The following LINGO2 variants were observed in gnomAD, a reference collection of about 807,000 sequenced individuals.
LINGO2 encodes the protein leucine-rich repeat and immunoglobulin-like domain-containing nogo receptor-interacting protein 2.
A neutral mutation model predicts 30.6 loss-of-function variants in LINGO2; 14 were observed. The ratio of observed to expected loss-of-function variants is 0.46; its 90% CI spans 0.30 to 0.72. The LOEUF is 0.72. Among genes scored for constraint, LINGO2 ranks in the 30% least tolerant of loss-of-function variants. The pLI is 0.07. For synonymous variants in LINGO2, 317 were observed against 288.5 expected, an observed-to-expected ratio of 1.10 and a Z score of -1.00; for missense variants, 729 against 751.7, an observed-to-expected ratio of 0.97 and a Z score of 0.35.
At chr9:28,990,988 A>G in the LINGO2 span, among the ~76,000 whole-genome samples, 1 of 152,358 alleles carries the variant, frequency 6.6e-6, no homozygotes, top group African/African-American at 2.4e-5. Context: ...GCAGTTCCTC[A>G]CTAGCAATGG....
chr9:28,457,134 T>G (rs1410955848), intron 2 of LINGO2, among the ~76,000 whole-genome samples: 1 of 152,130 alleles, frequency 6.6e-6, no homozygotes, highest in African/African-American at 2.4e-5. Context: ...CATGGAAATA[T>G]GCAAAGCTAG....
the LINGO2 span, among the ~76,000 whole-genome samples, chr9:28,882,985 C>G: frequency 6.6e-6 from 1 of 152,176 alleles, no homozygotes; most frequent in Non-Finnish European, 1.5e-5. Context: ...TTAAAATAAA[C>G]ACACATACAC....
At chr9:29,061,857 T>C in the LINGO2 span, among the ~76,000 whole-genome samples, 1 of 151,962 alleles carries the variant, frequency 6.6e-6, no homozygotes, top group Admixed American at 6.6e-5. Context: ...GTTGTGTTTA[T>C]TAAAGTATAT....
intron 2 of LINGO2, among the ~76,000 whole-genome samples, chr9:28,404,560 G>A (rs1046104360): frequency 1.3e-5 from 2 of 152,106 alleles, no homozygotes; most frequent in African/African-American, 4.8e-5. Context: ...TATATATGAA[G>A]TATGAGAACC....
chr9:28,244,558 A>G (rs1020573193), intron 4 of LINGO2, among the ~76,000 whole-genome samples: 1 of 152,156 alleles, frequency 6.6e-6, no homozygotes, highest in Admixed American at 6.5e-5. Context: ...ACTGCTAGCT[A>G]AACTAATAAA....
chr9:27,950,317 G>A (rs2118322326), exon 6 of LINGO2: 2 of 1,614,182 alleles, frequency 1.2e-6, no homozygotes, highest in Non-Finnish European at 1.7e-6. Context: ...AAAGGGACCA[G>A]CTTTAGACGA....
At chr9:28,782,201 A>T in the LINGO2 span, among the ~76,000 whole-genome samples, 1 of 152,186 alleles carries the variant, frequency 6.6e-6, no homozygotes, top group South Asian at 2.1e-4. Flanking sequence ...GTGAATTCTG[A>T]AGTGACTCTT....
intron 4 of LINGO2, among the ~76,000 whole-genome samples, chr9:28,256,371 C>T (rs764701303): frequency 6.6e-6 from 1 of 151,776 alleles, no homozygotes; most frequent in Non-Finnish European, 1.5e-5. Context: ...TCTTTAAGAG[C>T]ACATGAAGGA....
intron 4 of LINGO2, among the ~76,000 whole-genome samples, chr9:28,039,408 C>T (rs1263734301): frequency 1.3e-5 from 2 of 152,002 alleles, no homozygotes; most frequent in Admixed American, 1.3e-4. Flanking sequence ...GCATATACTT[C>T]TAAAAGAGGC....
At chr9:27,997,020 T>G (rs775918450) in intron 5 of LINGO2, among the ~76,000 whole-genome samples, 5 of 152,236 alleles carry the variant, frequency 3.3e-5, no homozygotes, top group Non-Finnish European at 7.3e-5. Context: ...AATTCTCTTA[T>G]GTCAAATTGA....
chr9:28,672,787 T>A (rs1829071970), upstream of LINGO2, among the ~76,000 whole-genome samples: 1 of 152,138 alleles, frequency 6.6e-6, no homozygotes, highest in Non-Finnish European at 1.5e-5. Flanking sequence ...TTGTTTATGA[T>A]CATATTTATA....
intron 4 of LINGO2, among the ~76,000 whole-genome samples, chr9:28,095,563 G>C (rs1221871063): frequency 6.6e-6 from 1 of 151,804 alleles, no homozygotes; most frequent in Non-Finnish European, 1.5e-5. Flanking sequence ...ATTAATTCAA[G>C]ATGGATTAAA....
intron 4 of LINGO2, among the ~76,000 whole-genome samples, chr9:28,259,271 T>C (rs1822485781): frequency 1.3e-5 from 2 of 152,000 alleles, no homozygotes; most frequent in Admixed American, 1.3e-4. Context: ...AGGGATAAAA[T>C]AAGAATTAAC....
chr9:28,382,479 A>G (rs1241583375), intron 2 of LINGO2, among the ~76,000 whole-genome samples: 1 of 152,152 alleles, frequency 6.6e-6, no homozygotes, highest in Non-Finnish European at 1.5e-5. Flanking sequence ...GACAGAAACA[A>G]TACACACAGG....
chr9:29,070,709 A>G, the LINGO2 span, among the ~76,000 whole-genome samples: 1 of 151,210 alleles, frequency 6.6e-6, no homozygotes, highest in Admixed American at 6.6e-5. Context: ...CTCTCTGAAC[A>G]TTAACTTCAC....
intron 4 of LINGO2, among the ~76,000 whole-genome samples, chr9:28,125,812 C>T (rs1345519709): frequency 6.6e-6 from 1 of 152,208 alleles, no homozygotes; most frequent in East Asian, 1.9e-4. Flanking sequence ...TGATCAATCA[C>T]TAAGAACAGA....
chr9:28,049,028 A>T (rs1824551663), intron 4 of LINGO2, among the ~76,000 whole-genome samples: 1 of 151,058 alleles, frequency 6.6e-6, no homozygotes, highest in African/African-American at 2.4e-5. Context: ...GCATTCTTTG[A>T]AGTTTTCTTT....
the LINGO2 span, among the ~76,000 whole-genome samples, chr9:29,202,520 A>G: frequency 5.3e-5 from 8 of 152,154 alleles, no homozygotes; most frequent in South Asian, 1.2e-3. Context: ...TGATGTATCT[A>G]TAGTCTTTCT....
intron 2 of LINGO2, among the ~76,000 whole-genome samples, chr9:28,383,302 G>A (rs1017332028): frequency 2.0e-5 from 3 of 148,590 alleles, no homozygotes; most frequent in Admixed American, 6.7e-5. Flanking sequence ...AAGATTCTAC[G>A]TTTCTGCTCT....
Sources: allele counts gnomAD v4.1 joint callset (sites outside exome capture counted in the v4.1 genomes callset), GRCh38; gene constraint gnomAD v4.1.1; transcripts MANE v1.5; gene names NCBI Gene and HGNC (gene_info 2026-07-23, HGNC 2026-07-21).